Variants in SAMD12 observed in about 807,000 individuals in gnomAD.
The protein encoded by SAMD12 is sterile alpha motif domain-containing protein 12.
In SAMD12, 9 loss-of-function variants were observed where a neutral mutation model predicts 15.0. The ratio of observed to expected loss-of-function variants is 0.60; its 90% confidence interval spans 0.36 to 1.05. The LOEUF (loss-of-function observed/expected upper bound fraction) is 1.05. Ranked by LOEUF, SAMD12 falls within the 50% of genes least tolerant of loss-of-function variation. The pLI is 0.01. For synonymous variants in SAMD12, 86 were observed against 90.1 expected (o/e 0.96, Z 0.25); for missense variants, 230 against 234.2 (o/e 0.98, Z 0.12).
intron 4 of SAMD12, among the ~76,000 whole-genome samples, chr8:118,348,496 C>A (rs146124213): frequency 6.6e-6 from 1 of 152,052 alleles, no homozygotes; most frequent in African/African-American, 2.4e-5. Flanking sequence ...CTCAGCCTCC[C>A]GAGTAGCTGG....
chr8:118,515,275 C>T lies in SAMD12; in HGVS notation c.192+65440G>A, dbSNP rs1368859938. The stretch of plus-strand genomic sequence containing the variant: ...GTCTCGATCTCCTGATCTCGTGATC[C>T]GCCCGCCTCAGCCTCCCAATGTTTA... On this transcript the variant is annotated intron_variant, in intron 2 of 3. Transcript: ENST00000314727. 2.1e-5 allele frequency among the ~76,000 whole-genome samples: 3 copies of T among 145,482 alleles called. No individual in the cohort carries two copies. The South Asian group carries it at 6.5e-4, about 32-fold the overall frequency.
intron 3 of SAMD12, among the ~76,000 whole-genome samples, chr8:118,402,559 T>C (rs1820919502): frequency 6.6e-6 from 1 of 152,250 alleles, no homozygotes; most frequent in Non-Finnish European, 1.5e-5. Context: ...GACTGAAGGC[T>C]GTTATTGTGT....
chr8:118,251,155 G>A (rs147912295), intron 4 of SAMD12, among the ~76,000 whole-genome samples: 2 of 152,242 alleles, frequency 1.3e-5, no homozygotes, highest in African/African-American at 4.8e-5. Flanking sequence ...TCAAGTGGTC[G>A]TGGGTGAGGA....
At chr8:118,608,819 G>A (rs556956377) in intron 1 of SAMD12, among the ~76,000 whole-genome samples, 30 of 152,240 alleles carry the variant, frequency 2.0e-4, no homozygotes, top group African/African-American at 6.5e-4. Flanking sequence ...AGGAAGGCAC[G>A]AGAGATGGGA....
At chr8:118,539,127 C>A (rs930027226) in intron 2 of SAMD12, among the ~76,000 whole-genome samples, 2 of 152,356 alleles carry the variant, frequency 1.3e-5, no homozygotes, top group East Asian at 3.9e-4. Flanking sequence ...TCACTCACAT[C>A]TGCTGCATTG....
intron 2 of SAMD12, among the ~76,000 whole-genome samples, chr8:118,519,429 A>G (rs537434517): frequency 6.6e-6 from 1 of 152,342 alleles, no homozygotes; most frequent in Admixed American, 6.5e-5. Flanking sequence ...CAGAATTTCA[A>G]TGCAGGTCTG....
chr8:118,507,277 C>T (rs553749865), intron 2 of SAMD12, among the ~76,000 whole-genome samples: 1 of 152,044 alleles, frequency 6.6e-6, no homozygotes, highest in Non-Finnish European at 1.5e-5. Context: ...ATGACACAGC[C>T]TCCTCTGCGT....
chr8:118,135,298 C>T, the SAMD12 span, among the ~76,000 whole-genome samples: 1 of 152,084 alleles, frequency 6.6e-6, no homozygotes, highest in African/African-American at 2.4e-5. Flanking sequence ...TCTCCTGCCT[C>T]AGCCTCCTGA....
chr8:118,599,900 C>A lies in SAMD12; in HGVS notation c.14-19007G>T, dbSNP rs565599457. On this transcript the variant is annotated intron_variant, in intron 1 of 3. Transcript: ENST00000314727. ...GCAAAAGGGAAGCCAATAGAAGAAA[C>A]GACAGCCCAGGCGACTCAATTAGAA... Among the ~76,000 whole-genome samples, 8 of 152,258 alleles carry A rather than the reference C, an allele frequency of 5.3e-5. No homozygotes were observed. In the East Asian group the frequency reaches 1.5e-3, roughly 29 times the overall value.
chr8:118,226,182 C>T (rs764911372), intron 4 of SAMD12, among the ~76,000 whole-genome samples: 1 of 152,158 alleles, frequency 6.6e-6, no homozygotes, highest in Non-Finnish European at 1.5e-5. Context: ...CCATTTAACA[C>T]ATGAGGACAC....
chr8:118,446,521 TTCTTC>T (rs1359171631), intron 2 of SAMD12, among the ~76,000 whole-genome samples: 1 of 152,222 alleles, frequency 6.6e-6, no homozygotes, highest in East Asian at 1.9e-4. Context: ...ATTTTTTCTT[TTCTTC>T]TCTTTTTTTG....
chr8:118,308,682 C>T (rs1393445903), intron 4 of SAMD12, among the ~76,000 whole-genome samples: 2 of 150,706 alleles, frequency 1.3e-5, no homozygotes, highest in East Asian at 1.9e-4. Flanking sequence ...AAAATGCCTT[C>T]CATTTCAAAA....
intron 4 of SAMD12, among the ~76,000 whole-genome samples, chr8:118,219,590 A>G (rs1376599827): frequency 1.3e-5 from 2 of 152,184 alleles, no homozygotes; most frequent in African/African-American, 4.8e-5. Context: ...GAATGATGGA[A>G]TGATGCTATG....
chr8:118,208,499 G>T (rs1323131326), intron 4 of SAMD12, among the ~76,000 whole-genome samples: 1 of 152,174 alleles, frequency 6.6e-6, no homozygotes, highest in South Asian at 2.1e-4. Context: ...GTAGGAAGGA[G>T]GAGGAGTAAG....
chr8:118,235,966 A>C (rs1167619346), intron 4 of SAMD12, among the ~76,000 whole-genome samples: 1 of 152,210 alleles, frequency 6.6e-6, no homozygotes, highest in Admixed American at 6.5e-5. Context: ...GCCACGGACT[A>C]TGTGATATGC....
intron 4 of SAMD12, among the ~76,000 whole-genome samples, chr8:118,240,410 T>C (rs1004524913): frequency 2.0e-5 from 3 of 152,206 alleles, no homozygotes; most frequent in African/African-American, 7.2e-5. Flanking sequence ...ATACGAAATT[T>C]AAGAATACAG....
intron 3 of SAMD12, among the ~76,000 whole-genome samples, chr8:118,424,479 GCAGGTCACCA>G (rs1422081237): frequency 6.6e-6 from 1 of 152,138 alleles, no homozygotes; most frequent in East Asian, 1.9e-4. Context: ...GTATTCTATT[GCAGGTCACCA>G]CAGTCCAATC....
chr8:118,323,488 G>A (rs889162625), intron 4 of SAMD12, among the ~76,000 whole-genome samples: 8 of 152,048 alleles, frequency 5.3e-5, no homozygotes, highest in South Asian at 2.1e-4. Flanking sequence ...TACACCGAAC[G>A]TGGTGGCTGA....
At chr8:118,176,268 T>C in the SAMD12 span, among the ~76,000 whole-genome samples, 12 of 152,032 alleles carry the variant, frequency 7.9e-5, no homozygotes, top group Non-Finnish European at 1.5e-4. Flanking sequence ...GCCACTGCAT[T>C]CCAGCCTGGG....
Sources: gnomAD v4.1 joint callset for allele counts (sites outside exome capture counted in the v4.1 genomes callset) on GRCh38, gnomAD v4.1.1 for gene constraint, MANE v1.5 for transcripts, NCBI Gene and HGNC (gene_info 2026-07-23, HGNC 2026-07-21) for gene names.